CD226: variants seen among roughly 807,000 people sequenced by gnomAD.
The protein encoded by CD226 is CD226 antigen.
A neutral mutation model predicts 34.9 loss-of-function variants in CD226; 24 were observed. The observed-to-expected ratio is 0.69, with a 90% confidence interval of 0.50 to 0.97. The LOEUF is 0.97. CD226 is among the 50% of genes least tolerant of loss of function. The pLI, the probability that CD226 is intolerant of heterozygous loss-of-function variation, is 0.00. For missense variants in CD226, 397 were observed against 412.7 expected, an observed-to-expected ratio of 0.96 and a Z score of 0.33; for synonymous variants, 148 against 147.4, an observed-to-expected ratio of 1.00 and a Z score of -0.03.
At chr18:69,941,350 T>C (rs2055721683) in intron 2 of CD226, among the ~76,000 whole-genome samples, 1 of 152,172 alleles carries the variant, frequency 6.6e-6, no homozygotes. Flanking sequence ...GCTTGCACCA[T>C]GCAACTGGAG....
chr18:69,880,357 AAAGGAAGG>A (rs74177539), intron 3 of CD226, among the ~76,000 whole-genome samples: 45 of 89,650 alleles, frequency 5.0e-4, no homozygotes, highest in East Asian at 1.7e-3. Flanking sequence ...AGAAAGAAAG[AAAGGAAGG>A]AAGGAAGGAA....
intron 3 of CD226, among the ~76,000 whole-genome samples, chr18:69,879,615 TACAA>T (rs1240592267): frequency 6.6e-6 from 1 of 152,208 alleles, no homozygotes; most frequent in Non-Finnish European, 1.5e-5. Flanking sequence ...ATACATGCTT[TACAA>T]ACAATTTGTG....
At chr18:69,869,732 G>C (rs377235045) in intron 4 of CD226, among the ~76,000 whole-genome samples, 1 of 150,758 alleles carries the variant, frequency 6.6e-6, no homozygotes, top group African/African-American at 2.4e-5. Flanking sequence ...TTGGATTTAC[G>C]TTGACCAGCC....
chr18:69,945,053 T>C (rs948133402), intron 2 of CD226, among the ~76,000 whole-genome samples: 1 of 152,226 alleles, frequency 6.6e-6, no homozygotes, highest in Non-Finnish European at 1.5e-5. Flanking sequence ...AGCACTATTA[T>C]GTCAGATGTC....
At chr18:69,918,888 G>A (rs1306019770) in intron 2 of CD226, among the ~76,000 whole-genome samples, 5 of 152,160 alleles carry the variant, frequency 3.3e-5, no homozygotes, top group Admixed American at 1.3e-4. Flanking sequence ...GTATAATTTC[G>A]TGGACTGAAT....
intron 2 of CD226, among the ~76,000 whole-genome samples, chr18:69,944,318 C>T (rs1361767308): frequency 6.6e-6 from 1 of 152,132 alleles, no homozygotes; most frequent in Non-Finnish European, 1.5e-5. Flanking sequence ...GTATTCCTTC[C>T]TCTGACTGAA....
At position 69,929,438 on chromosome 18, in the gene CD226, G is replaced by T. The variant is rs115879984; in HGVS notation, c.382+17296C>A. Among the ~76,000 whole-genome samples the T allele has an allele frequency of 6.9e-3, 1,053 of 151,968 alleles. 10 individuals are homozygous for T. The highest frequency in any genetic ancestry group is 0.024 in the African/African-American group (990 of 41,442). On this transcript the variant is annotated intron_variant, in intron 2 of 5. Transcript: ENST00000582621. ...AGTCTATCCTCACTTTTTAAATTTT[G>T]CTTTTTAAATTATGTATTAATAATA...
chr18:69,893,174 G>A (rs1282197985), intron 3 of CD226, among the ~76,000 whole-genome samples: 2 of 152,096 alleles, frequency 1.3e-5, no homozygotes, highest in Non-Finnish European at 2.9e-5. Context: ...TTTTACTAAT[G>A]GATACAAGGT....
At chr18:69,941,714 A>C (rs1197192204) in intron 2 of CD226, among the ~76,000 whole-genome samples, 1 of 152,126 alleles carries the variant, frequency 6.6e-6, no homozygotes, top group Non-Finnish European at 1.5e-5. Flanking sequence ...CTTGTCTCAG[A>C]TGAGACTTTG....
intron 2 of CD226, among the ~76,000 whole-genome samples, chr18:69,903,298 A>G (rs2055210748): frequency 6.6e-6 from 1 of 152,226 alleles, no homozygotes; most frequent in South Asian, 2.1e-4. Flanking sequence ...GAATAGAAAC[A>G]GAAGCCTCTT....
chr18:69,956,017 A>G (rs896206669), intron 1 of CD226, among the ~76,000 whole-genome samples: 3 of 152,254 alleles, frequency 2.0e-5, no homozygotes, highest in East Asian at 3.9e-4. Flanking sequence ...AGTCATACAC[A>G]TGTCCCCAGG....
At chr18:69,912,177 G>C (rs1403294949) in intron 2 of CD226, among the ~76,000 whole-genome samples, 1 of 152,072 alleles carries the variant, frequency 6.6e-6, no homozygotes, top group African/African-American at 2.4e-5. Context: ...TTAAATGTTA[G>C]ACCTAAAACC....
chr18:69,880,745 G>A (rs1397368225), intron 3 of CD226, among the ~76,000 whole-genome samples: 2 of 149,944 alleles, frequency 1.3e-5, no homozygotes, highest in Admixed American at 6.7e-5. Flanking sequence ...TCCGCCTCCT[G>A]GGTTCAAGCG....
intron 2 of CD226, among the ~76,000 whole-genome samples, chr18:69,927,918 T>A (rs1380472153): frequency 6.6e-6 from 1 of 152,240 alleles, no homozygotes. Flanking sequence ...TCACATAATA[T>A]GTTTACAAAT....
chr18:69,935,257 A>C (rs1432724049), intron 2 of CD226, among the ~76,000 whole-genome samples: 1 of 152,232 alleles, frequency 6.6e-6, no homozygotes, highest in East Asian at 1.9e-4. Context: ...ACTTTCAGTT[A>C]ATAATGTGAT....
upstream of CD226, among the ~76,000 whole-genome samples, chr18:69,952,104 T>C (rs997812642): frequency 6.6e-5 from 10 of 152,108 alleles, no homozygotes; most frequent in African/African-American, 1.9e-4. Flanking sequence ...CTAAAAAGAA[T>C]GAAATCATGT....
Position 69,947,444 on chromosome 18 carries a change from A to AG in CD226, c.-39_-38insC. On this transcript the variant is annotated 5_prime_UTR_variant, in exon 1 of 6. Coordinates refer to ENST00000582621, the MANE Select transcript of CD226 (RefSeq NM_001303618.2). ...TTTGAAAGGCTGGTTCTATTAAAAA[A>AG]AAAAATTGCTTTTTATAATGTGACA... 1 of 1,475,986 alleles carries AG rather than the reference A, an allele frequency of 6.8e-7. No individual in the cohort carries two copies. The highest frequency in any genetic ancestry group is 1.2e-5 in the South Asian group (1 of 81,624). 91.4% of individuals were successfully genotyped at this position (1,475,986 alleles called of 1,614,324 possible).
intron 4 of CD226, among the ~76,000 whole-genome samples, chr18:69,871,279 T>C (rs1347506653): frequency 6.6e-6 from 1 of 152,200 alleles, no homozygotes; most frequent in Non-Finnish European, 1.5e-5. Flanking sequence ...ACACCTCGGT[T>C]CCTTACTTCA....
intron 3 of CD226, among the ~76,000 whole-genome samples, chr18:69,885,393 T>A (rs895254458): frequency 6.6e-6 from 1 of 152,080 alleles, no homozygotes; most frequent in African/African-American, 2.4e-5. Flanking sequence ...CCAGCTCTGG[T>A]TTCAAGAAGC....
Sources: gnomAD v4.1 joint callset for allele counts (sites outside exome capture counted in the v4.1 genomes callset) on GRCh38, gnomAD v4.1.1 for gene constraint, MANE v1.5 for transcripts, NCBI Gene and HGNC (gene_info 2026-07-23, HGNC 2026-07-21) for gene names.